Variants in RBFOX1 observed in about 807,000 individuals in gnomAD.
RBFOX1 encodes RNA binding protein fox-1 homolog 1.
A neutral mutation model predicts 57.7 loss-of-function variants in RBFOX1; 8 were observed. That is an observed-to-expected ratio of 0.14 (90% CI 0.08 to 0.25). The LOEUF (loss-of-function observed/expected upper bound fraction) is 0.25, where lower values mean the gene tolerates loss of function less well. RBFOX1 is among the 10% of genes least tolerant of loss of function. RBFOX1 has a pLI of 1.00. For synonymous variants in RBFOX1, 326 were observed against 222.4 expected, an observed-to-expected ratio of 1.47 and a Z score of -4.15; for missense variants, 611 against 548.5, an observed-to-expected ratio of 1.11 and a Z score of -1.14.
At chr16:5,966,537 A>G (rs1014438573) in intron 4 of RBFOX1, among the ~76,000 whole-genome samples, 1 of 152,198 alleles carries the variant, frequency 6.6e-6, no homozygotes, top group Non-Finnish European at 1.5e-5. Context: ...GGCTCACTGC[A>G]ATCTCCGCCT....
intron 3 of RBFOX1, among the ~76,000 whole-genome samples, chr16:5,807,545 A>G (rs28704778): frequency 0.091 from 13,919 of 152,236 alleles, 2,146 homozygotes; most frequent in African/African-American, 0.32. Flanking sequence ...GTTTGCTAAT[A>G]GGGCTCATTA....
chr16:6,642,950 A>G (rs1374427350), intron 2 of RBFOX1, among the ~76,000 whole-genome samples: 1 of 152,190 alleles, frequency 6.6e-6, no homozygotes, highest in African/African-American at 2.4e-5. Flanking sequence ...TGCTGTTTGT[A>G]TGATTTCAGG....
intron 3 of RBFOX1, among the ~76,000 whole-genome samples, chr16:6,913,187 A>G (rs936458969): frequency 6.6e-6 from 1 of 152,054 alleles, no homozygotes; most frequent in Non-Finnish European, 1.5e-5. Context: ...GGGTTACTTG[A>G]AAAACATTTT....
chr16:6,356,940 A>G (rs867506781), intron 2 of RBFOX1, among the ~76,000 whole-genome samples: 5 of 152,066 alleles, frequency 3.3e-5, no homozygotes, highest in African/African-American at 1.2e-4. Flanking sequence ...ATGAAAGGAA[A>G]CTAAAAGCCA....
chr16:7,407,091 G>T (rs74012557), intron 4 of RBFOX1, among the ~76,000 whole-genome samples: 4,799 of 152,144 alleles, frequency 0.032, 249 homozygotes, highest in African/African-American at 0.11. Context: ...TAGGTTTTTG[G>T]GGGAACGGGT....
At chr16:6,058,888 C>T (rs926426795) in intron 1 of RBFOX1, among the ~76,000 whole-genome samples, 1 of 151,962 alleles carries the variant, frequency 6.6e-6, no homozygotes, top group Non-Finnish European at 1.5e-5. Context: ...ATCCAGCTAT[C>T]ATGTATACAG....
At chr16:5,366,145 C>T (rs1457078746) in intron 1 of RBFOX1, 11 of 430,242 alleles carry the variant, frequency 2.6e-5, no homozygotes, top group East Asian at 1.7e-4. Flanking sequence ...CACTTTGTAC[C>T]TGTGGAGGAA....
At chr16:6,413,530 C>T (rs954160621) in intron 2 of RBFOX1, among the ~76,000 whole-genome samples, 1 of 152,100 alleles carries the variant, frequency 6.6e-6, no homozygotes, top group Non-Finnish European at 1.5e-5. Flanking sequence ...TTGCAAATGA[C>T]TGTTTGCCAT....
At chr16:5,710,843 C>G (rs185041853) in intron 3 of RBFOX1, among the ~76,000 whole-genome samples, 2 of 152,150 alleles carry the variant, frequency 1.3e-5, no homozygotes, top group African/African-American at 4.8e-5. Flanking sequence ...GCTGTTGTGG[C>G]TCTGCAAGAC....
At chr16:6,268,329 G>A (rs74005058) in intron 1 of RBFOX1, among the ~76,000 whole-genome samples, 3,041 of 152,284 alleles carry the variant, frequency 0.02, 78 homozygotes, top group African/African-American at 0.06. Context: ...GATGACCTCT[G>A]CTCCCATCAC....
At chr16:5,968,345 G>T (rs2152295923) in intron 4 of RBFOX1, among the ~76,000 whole-genome samples, 1 of 152,246 alleles carries the variant, frequency 6.6e-6, no homozygotes, top group South Asian at 2.1e-4. Context: ...CAAGTGCTGG[G>T]ATTACCGGTG....
rs1568246314 is a variant in RBFOX1, at chr16:6,694,297, T to G, written c.-16+39647T>G. ...TGTGTGAGTCAATTTTTCTGTCTTATTTATCTTGACAAACAATTTAAGAGA... is the reference window on the plus strand; with the variant it reads ...TGTGTGAGTCAATTTTTCTGTCTTAGTTATCTTGACAAACAATTTAAGAGA... On this transcript the variant is annotated intron_variant, in intron 3 of 15. Coordinates refer to ENST00000550418, the MANE Select transcript of RBFOX1 (RefSeq NM_018723.4). Among the ~76,000 whole-genome samples, 3 of 152,318 alleles carry G rather than the reference T, an allele frequency of 2.0e-5. No homozygotes were observed. In the South Asian group the frequency reaches 6.2e-4, roughly 32 times the overall value.
Position 6,271,900 on chromosome 16 carries a change from T to C in RBFOX1, c.-126-45095T>C, listed in dbSNP as rs569760233. The stretch of plus-strand genomic sequence containing the variant: ...GAAGCATTAACACCAAGTCCATATA[T>C]CCTCTTCCAGAAAACAGGAGAGAAA... On this transcript the variant is annotated intron_variant, in intron 1 of 15. Transcript: ENST00000550418. Among the ~76,000 whole-genome samples, 299 of 152,150 alleles carry C rather than the reference T, an allele frequency of 2.0e-3. 1 individual carries two copies. The highest frequency in any genetic ancestry group is 6.9e-3 in the African/African-American group (287 of 41,534).
At chr16:5,706,885 G>A (rs541115836) in intron 3 of RBFOX1, among the ~76,000 whole-genome samples, 68 of 152,136 alleles carry the variant, frequency 4.5e-4, no homozygotes, top group Non-Finnish European at 8.1e-4. Context: ...TTTAGGGTGG[G>A]GTTCCTCCAG....
chr16:6,041,748 T>A (rs2152416855), intron 1 of RBFOX1, among the ~76,000 whole-genome samples: 1 of 152,288 alleles, frequency 6.6e-6, no homozygotes, highest in East Asian at 1.9e-4. Context: ...TCAGAAGACA[T>A]CAATGGGCGA....
chr16:6,270,768 C>T (rs767482547), intron 1 of RBFOX1, among the ~76,000 whole-genome samples: 2 of 152,106 alleles, frequency 1.3e-5, no homozygotes, highest in Non-Finnish European at 2.9e-5. Context: ...CAGCAGAAGG[C>T]GTTTCTTTTT....
intron 3 of RBFOX1, among the ~76,000 whole-genome samples, chr16:5,866,748 G>A (rs1424932010): frequency 6.6e-6 from 1 of 152,152 alleles, no homozygotes. Context: ...TTTATGAAAT[G>A]GGGTCATAAA....
intron 1 of RBFOX1, among the ~76,000 whole-genome samples, chr16:5,339,470 G>GTTTGTTTT (rs2064982581): frequency 2.4e-5 from 1 of 40,854 alleles, no homozygotes; most frequent in Non-Finnish European, 4.5e-5. Context: ...CTTTTTCCGT[G>GTTTGTTTT]TTTTTTTTTT....
At chr16:5,845,167 G>C (rs929104116) in intron 3 of RBFOX1, among the ~76,000 whole-genome samples, 5 of 151,852 alleles carry the variant, frequency 3.3e-5, no homozygotes, top group South Asian at 2.1e-4. Context: ...AGGGTAACAG[G>C]AGATGTAGGA....
Sources: allele counts gnomAD v4.1 joint callset (sites outside exome capture counted in the v4.1 genomes callset), GRCh38; gene constraint gnomAD v4.1.1; transcripts MANE v1.5; gene names NCBI Gene and HGNC (gene_info 2026-07-23, HGNC 2026-07-21).